The following ASB7 variants were observed in gnomAD, a reference collection of about 807,000 sequenced individuals.
ASB7 encodes ankyrin repeat and SOCS box containing 7.
ASB7 carries 4 observed loss-of-function variants against 32.5 expected under a neutral mutation model. The observed-to-expected ratio is 0.12, with a 90% CI of 0.06 to 0.28. The LOEUF is 0.28. ASB7 is among the 10% of genes least tolerant of loss of function. The pLI is 1.00. For missense variants in ASB7, 181 were observed against 407.1 expected (o/e 0.44, Z 4.78); for synonymous variants, 172 against 155.6 (o/e 1.11, Z -0.78).
At chr15:100,621,577 A>G (rs1555438542) in intron 4 of ASB7, among the ~76,000 whole-genome samples, 1 of 152,186 alleles carries the variant, frequency 6.6e-6, no homozygotes, top group Non-Finnish European at 1.5e-5. Flanking sequence ...CATCTTTTAA[A>G]ATAAAAGACA....
chr15:100,630,162 G>C, intron 5 of ASB7, 120 bp downstream of exon 5: 1 of 1,372,238 alleles, frequency 7.3e-7, no homozygotes, highest in Non-Finnish European at 9.4e-7. Flanking sequence ...CCACTGCTTG[G>C]TAAGCGATGC....
At chr15:100,647,458 TC>T (rs566644418) in intron 5 of ASB7, among the ~76,000 whole-genome samples, 7 of 152,236 alleles carry the variant, frequency 4.6e-5, no homozygotes, top group Non-Finnish European at 7.3e-5. Context: ...AAGCAAAACT[TC>T]CTTGACTCCA....
At chr15:100,626,158 A>G (rs901033617) in intron 4 of ASB7, among the ~76,000 whole-genome samples, 5 of 152,214 alleles carry the variant, frequency 3.3e-5, no homozygotes, top group African/African-American at 1.2e-4. Context: ...CAAAATTAAG[A>G]GTTTTGCTCT....
chr15:100,647,763 CTGGAAAGCTTGTT>C (rs1169464976), intron 5 of ASB7, among the ~76,000 whole-genome samples: 1 of 152,118 alleles, frequency 6.6e-6, no homozygotes, highest in Non-Finnish European at 1.5e-5. Context: ...GTGAGCAGAT[CTGGAAAGCTTGTT>C]TGGAAAGCTC....
At chr15:100,619,677 T>C (rs2039774360) in intron 4 of ASB7, among the ~76,000 whole-genome samples, 2 of 152,176 alleles carry the variant, frequency 1.3e-5, no homozygotes, top group East Asian at 3.8e-4. Context: ...TTACTAATGT[T>C]AAATTCATAT....
At chr15:100,627,299 GC>G (rs2039848104) in intron 4 of ASB7, among the ~76,000 whole-genome samples, 1 of 152,150 alleles carries the variant, frequency 6.6e-6, no homozygotes, top group South Asian at 2.1e-4. Flanking sequence ...TTTAGGGAAG[GC>G]TTTTCTTTTT....
chr15:100,646,452 T>A, intron 5 of ASB7: 1 of 468,568 alleles, frequency 2.1e-6, no homozygotes, highest in Non-Finnish European at 4.4e-6. Context: ...GTTCCATGTG[T>A]TTGACCAAGG....
chr15:100,640,160 T>G (rs1447857292), intron 5 of ASB7, among the ~76,000 whole-genome samples: 1 of 152,202 alleles, frequency 6.6e-6, no homozygotes, highest in Non-Finnish European at 1.5e-5. Flanking sequence ...TTTTTGTTTT[T>G]TTTGAGACAG....
intron 5 of ASB7, among the ~76,000 whole-genome samples, chr15:100,644,072 A>G (rs1297667441): frequency 6.6e-6 from 1 of 151,726 alleles, no homozygotes; most frequent in Non-Finnish European, 1.5e-5. Context: ...ACATGGTGAG[A>G]CCCCATCTCT....
rs528159927 is a variant in ASB7, at chr15:100,615,672, C to T, written c.211+3245C>T. On this transcript the variant is annotated intron_variant, in intron 4 of 5. Coordinates refer to ENST00000332783, the MANE Select transcript of ASB7 (RefSeq NM_198243.3). ...CTTCTTCTAGAGGCCATCTCTTTCACCGGTTTCTTTTGTACCATCCAGAGA... is the reference window on the plus strand; with the variant it reads ...CTTCTTCTAGAGGCCATCTCTTTCATCGGTTTCTTTTGTACCATCCAGAGA... Among the ~76,000 whole-genome samples, 5 of 152,308 alleles carry T rather than the reference C, an allele frequency of 3.3e-5. No individual in the cohort carries two copies. The East Asian group carries it at 5.8e-4, about 18-fold the overall frequency.
chr15:100,636,331 C>T (rs1053450012), intron 5 of ASB7, among the ~76,000 whole-genome samples: 7 of 152,128 alleles, frequency 4.6e-5, no homozygotes, highest in African/African-American at 1.4e-4. Flanking sequence ...TTTCCAAGCT[C>T]TTTACATGTT....
chr15:100,622,506 C>G (rs921676504), intron 4 of ASB7, among the ~76,000 whole-genome samples: 2 of 152,122 alleles, frequency 1.3e-5, no homozygotes, highest in East Asian at 3.8e-4. Context: ...TGAAGCAATC[C>G]TGAGCAAAAG....
intron 4 of ASB7, among the ~76,000 whole-genome samples, chr15:100,628,282 T>C (rs1349918228): frequency 1.3e-5 from 2 of 152,256 alleles, no homozygotes; most frequent in African/African-American, 2.4e-5. Context: ...TATAGTTTTC[T>C]GCCTCAGATT....
chr15:100,629,892 C>T lies in ASB7; in HGVS notation c.667C>T (p.Leu223Phe), dbSNP rs1189800477. ...DGQTPLHLSA[L>F]RDDVLCARML... Reference sequence around the variant, plus strand: ...ACAGACTCCTTTACACTTATCTGCCCTTAGGGATGATGTGCTGTGTGCACG... The same window carrying T: ...ACAGACTCCTTTACACTTATCTGCCTTTAGGGATGATGTGCTGTGTGCACG... The change falls in exon 5 of 6, where the codon CTT becomes TTT. Residue 223 changes from leucine to phenylalanine, a missense_variant. Coordinates refer to ENST00000332783, the MANE Select transcript of ASB7 (RefSeq NM_198243.3). The surrounding 1 kb of genome is among the most constrained non-coding windows in gnomAD (Gnocchi z 6.8). The T allele has an allele frequency of 3.1e-6, 5 of 1,614,024 alleles. No individual in the cohort carries two copies. Among genetic ancestry groups the T allele is most frequent in the South Asian group, 1.1e-5 (1 of 91,086 alleles).
Position 100,648,654 on chromosome 15 carries a change from C to T in ASB7, c.*192C>T. ...GGGATTTTTTATATATATATAAAAA[C>T]ACACACCACATGCTTGAAGGTCTTA... is the stretch of plus-strand genomic sequence containing the variant. On this transcript the variant is annotated 3_prime_UTR_variant, in exon 6 of 6. Transcript: ENST00000332783. The T allele has an allele frequency of 2.1e-6, 1 of 466,396 alleles. No homozygotes were observed. Among genetic ancestry groups the T allele is most frequent in the Non-Finnish European group, 3.8e-6 (1 of 265,926 alleles). The allele number at this position is 466,396 out of a possible 1,614,324, so 28.9% of individuals were successfully genotyped here. A position where few individuals can be genotyped will look rare whatever the true frequency, so the allele number is the denominator to read the frequency against.
At chr15:100,623,390 C>T (rs1411739219) in intron 4 of ASB7, among the ~76,000 whole-genome samples, 18 of 151,976 alleles carry the variant, frequency 1.2e-4, no homozygotes, top group African/African-American at 2.2e-4. Context: ...GCAACAAGAG[C>T]GAAATTACAT....
At chr15:100,646,597 A>C (rs375278440) in intron 5 of ASB7, 5 of 351,832 alleles carry the variant, frequency 1.4e-5, no homozygotes, top group African/African-American at 1.0e-4. Flanking sequence ...TGAGAAGGCA[A>C]CATCATTGAT....
rs1596123120 is a variant in ASB7, at chr15:100,650,512, C to T, written c.*2050C>T. 5 of 152,282 alleles carry T rather than the reference C, an allele frequency of 3.3e-5. No homozygotes were observed. Among genetic ancestry groups the T allele is most frequent in the Admixed American group, 3.3e-4 (5 of 15,292 alleles). The allele number at this position is 152,282 out of a possible 1,614,324, so 9.4% of individuals were successfully genotyped here. A position where few individuals can be genotyped will look rare whatever the true frequency, so the allele number is the denominator to read the frequency against. ...CAGTGATGTTCATGTTACACTTGCA[C>T]AAGGGCTGATTTCCACGTATGTGTG... is the stretch of plus-strand genomic sequence containing the variant. On this transcript the variant is annotated 3_prime_UTR_variant, in exon 6 of 6. Coordinates refer to ENST00000332783, the MANE Select transcript of ASB7 (RefSeq NM_198243.3).
intron 4 of ASB7, among the ~76,000 whole-genome samples, chr15:100,625,428 GTCA>G (rs1473411018): frequency 1.3e-5 from 2 of 152,148 alleles, no homozygotes; most frequent in Non-Finnish European, 1.5e-5. Flanking sequence ...TCTATCAGCA[GTCA>G]TCATTTGGAA....
Sources: allele counts gnomAD v4.1 joint callset (sites outside exome capture counted in the v4.1 genomes callset), GRCh38; gene constraint gnomAD v4.1.1; non-coding constraint Gnocchi (gnomAD v3.1); transcripts MANE v1.5; gene names NCBI Gene and HGNC (gene_info 2026-07-23, HGNC 2026-07-21).